Variants in DPYD observed in about 807,000 individuals in gnomAD.
DPYD encodes dihydropyrimidine dehydrogenase [NADP(+)].
Under a neutral mutation model 116.2 loss-of-function variants are expected in DPYD, and 109 were observed. The ratio of observed to expected loss-of-function variants is 0.94; its 90% CI spans 0.80 to 1.10. The LOEUF (loss-of-function observed/expected upper bound fraction) is 1.10, where lower values mean the gene tolerates loss of function less well. DPYD is among the 50% of genes least tolerant of loss of function. The pLI, the probability that DPYD is intolerant of heterozygous loss-of-function variation, is 0.00. For synonymous variants in DPYD, 440 were observed against 432.0 expected (o/e 1.02, Z -0.23); for missense variants, 1,302 against 1,254.5 (o/e 1.04, Z -0.57).
At chr1:97,815,946 T>C (rs778343195) in intron 3 of DPYD, among the ~76,000 whole-genome samples, 17 of 152,318 alleles carry the variant, frequency 1.1e-4, no homozygotes, top group African/African-American at 2.6e-4. Flanking sequence ...TATGAAGCCA[T>C]TGAAATTAGG....
intron 1 of DPYD, among the ~76,000 whole-genome samples, 157 bp downstream of exon 1, chr1:97,920,727 C>T (rs1277492903): frequency 3.3e-5 from 5 of 152,188 alleles, no homozygotes; most frequent in African/African-American, 4.8e-5. Context: ...CCTGTGGCTC[C>T]GCGCTCCTCC....
At chr1:97,401,004 A>G (rs543834953) in intron 14 of DPYD, among the ~76,000 whole-genome samples, 1 of 152,076 alleles carries the variant, frequency 6.6e-6, no homozygotes, top group African/African-American at 2.4e-5. Flanking sequence ...AATTTTGGCT[A>G]TTCTAATAGA....
At chr1:97,602,495 T>A (rs941144449) in intron 8 of DPYD, among the ~76,000 whole-genome samples, 71 of 152,114 alleles carry the variant, frequency 4.7e-4, no homozygotes, top group African/African-American at 1.6e-3. Context: ...GAAATTCTTA[T>A]AGAGGATTTT....
chr1:97,621,500 C>G (rs1468999646), intron 8 of DPYD, among the ~76,000 whole-genome samples: 1 of 151,970 alleles, frequency 6.6e-6, no homozygotes, highest in Admixed American at 6.6e-5. Flanking sequence ...CAAAAATCAG[C>G]TATCTAATAA....
chr1:97,716,940 T>G (rs1662649591), intron 5 of DPYD, among the ~76,000 whole-genome samples: 1 of 152,018 alleles, frequency 6.6e-6, no homozygotes, highest in Admixed American at 6.6e-5. Flanking sequence ...TTTTTATTTT[T>G]AATTATTATT....
intron 10 of DPYD, among the ~76,000 whole-genome samples, chr1:97,591,636 A>C (rs1654528290): frequency 2.0e-5 from 3 of 152,206 alleles, no homozygotes; most frequent in Admixed American, 2.0e-4. Flanking sequence ...AATGTGAAGT[A>C]AATTGATATT....
chr1:97,342,577 C>T (rs772617919), intron 16 of DPYD, among the ~76,000 whole-genome samples: 6 of 152,160 alleles, frequency 3.9e-5, no homozygotes, highest in Admixed American at 1.3e-4. Context: ...GACAAATATG[C>T]GTATCAAAGT....
chr1:97,546,115 T>G (rs1274420766), intron 12 of DPYD: 1 of 1,430,142 alleles, frequency 7.0e-7, no homozygotes, highest in Non-Finnish European at 9.9e-7. Context: ...AGGCAAACAA[T>G]GGCTGAAGTA....
chr1:97,920,763 G>T (rs1250811250), intron 1 of DPYD, 121 bp downstream of exon 1: 1 of 1,394,950 alleles, frequency 7.2e-7, no homozygotes, highest in Non-Finnish European at 9.9e-7. Context: ...TCCCACGGGG[G>T]AAACTTTCCC....
At chr1:97,316,342 G>GA (rs58765306) in intron 16 of DPYD, among the ~76,000 whole-genome samples, 37,573 of 139,616 alleles carry the variant, frequency 0.27, 4,938 homozygotes, top group African/African-American at 0.29. Context: ...GTAAAAAAAA[G>GA]AAAAAAAAAA....
rs534666391 is a variant in DPYD at position 97,884,931 on chromosome 1, C to A, written c.40-1557G>T. ...TGAGTAAACCATTGATCTTTTTGAT[C>A]TTTGATTTCCTCACATGCAAAATAG... On this transcript the variant is annotated intron_variant, in intron 1 of 22. Coordinates refer to ENST00000370192, the MANE Select transcript of DPYD (RefSeq NM_000110.4). 2.6e-5 allele frequency among the ~76,000 whole-genome samples: 4 copies of A among 151,964 alleles called. No individual in the cohort carries two copies. In the East Asian group the frequency reaches 7.8e-4, roughly 30 times the overall value.
At chr1:97,499,990 T>C (rs1036611440) in intron 13 of DPYD, among the ~76,000 whole-genome samples, 5 of 151,964 alleles carry the variant, frequency 3.3e-5, no homozygotes, top group African/African-American at 1.2e-4. Flanking sequence ...AGGCAATGTG[T>C]ATGTACCTAA....
At chr1:97,185,254 G>T (rs748074636) in intron 20 of DPYD, among the ~76,000 whole-genome samples, 19 of 152,080 alleles carry the variant, frequency 1.2e-4, no homozygotes, top group Non-Finnish European at 2.5e-4. Context: ...CTTCTTATTA[G>T]GGAGAAGAAA....
intron 19 of DPYD, among the ~76,000 whole-genome samples, chr1:97,201,802 T>C (rs936430159): frequency 2.0e-5 from 3 of 152,132 alleles, no homozygotes; most frequent in African/African-American, 4.8e-5. Flanking sequence ...TTCCTGGCAA[T>C]TGAGACAGCA....
At chr1:97,097,510 A>T (rs1412633183) in intron 21 of DPYD, among the ~76,000 whole-genome samples, 1 of 152,182 alleles carries the variant, frequency 6.6e-6, no homozygotes, top group Non-Finnish European at 1.5e-5. Flanking sequence ...CAGTAACTGC[A>T]AACTACATTT....
chr1:97,289,262 G>T (rs1333951038), intron 18 of DPYD, among the ~76,000 whole-genome samples: 2 of 151,772 alleles, frequency 1.3e-5, no homozygotes, highest in African/African-American at 2.4e-5. Context: ...AGAGGTACAA[G>T]GAGGAACTGG....
At chr1:97,551,603 A>T (rs543009874) in intron 11 of DPYD, among the ~76,000 whole-genome samples, 3 of 151,626 alleles carry the variant, frequency 2.0e-5, no homozygotes, top group Admixed American at 6.6e-5. Flanking sequence ...AGATCAAAGC[A>T]TTTTTTTTTA....
intron 19 of DPYD, among the ~76,000 whole-genome samples, chr1:97,224,361 G>T (rs1373164530): frequency 5.3e-5 from 8 of 151,882 alleles, no homozygotes; most frequent in Admixed American, 4.6e-4. Flanking sequence ...TTATATTCAG[G>T]ATTCATTGAA....
chr1:97,838,794 G>A (rs1478357614), intron 2 of DPYD, among the ~76,000 whole-genome samples: 1 of 152,084 alleles, frequency 6.6e-6, no homozygotes, highest in East Asian at 1.9e-4. Flanking sequence ...GCAGTGAGCC[G>A]AGATTGCGCC....
Sources: allele counts gnomAD v4.1 joint callset (sites outside exome capture counted in the v4.1 genomes callset), GRCh38; gene constraint gnomAD v4.1.1; transcripts MANE v1.5; gene names NCBI Gene and HGNC (gene_info 2026-07-23, HGNC 2026-07-21).